The following KCNIP4 variants were observed in gnomAD, a reference collection of about 807,000 sequenced individuals.
KCNIP4 encodes Kv channel-interacting protein 4.
A neutral mutation model predicts 34.0 loss-of-function variants in KCNIP4; 12 were observed. That is an observed-to-expected ratio of 0.35 (90% CI 0.23 to 0.57). The LOEUF (loss-of-function observed/expected upper bound fraction) is 0.57. Ranked by LOEUF, KCNIP4 falls within the 20% of genes least tolerant of loss-of-function variation. The probability of loss-of-function intolerance (pLI) is 0.83; values close to 1 mark genes in which losing one functional copy is unlikely to be tolerated. For missense variants in KCNIP4, 238 were observed against 311.7 expected, an observed-to-expected ratio of 0.76 and a Z score of 1.78; for synonymous variants, 124 against 102.2, an observed-to-expected ratio of 1.21 and a Z score of -1.29.
At chr4:21,903,879 A>G (rs1727845311) in intron 1 of KCNIP4, among the ~76,000 whole-genome samples, 2 of 152,286 alleles carry the variant, frequency 1.3e-5, no homozygotes, top group Admixed American at 6.5e-5. Flanking sequence ...CCTTCACAAT[A>G]TATTTCAAAG....
At chr4:21,393,326 G>A (rs1722714828) in intron 1 of KCNIP4, among the ~76,000 whole-genome samples, 1 of 151,876 alleles carries the variant, frequency 6.6e-6, no homozygotes, top group Admixed American at 6.6e-5. Flanking sequence ...TTTTTTCAAT[G>A]AATTTAACTC....
rs184505937 is a variant in KCNIP4 at position 21,080,588 on chromosome 4, G to A, written c.62-197879C>T. Among the ~76,000 whole-genome samples the A allele has an allele frequency of 1.9e-4, 29 of 151,760 alleles. No individual in the cohort carries two copies. In the East Asian group the frequency reaches 5.6e-3, roughly 29 times the overall value. ...CCTTTTTGAACAATAAATTTACAGA[G>A]TACTTTACCTTAACAATGTTTTATA... On this transcript the variant is annotated intron_variant, in intron 1 of 8. Transcript: ENST00000382152.
At chr4:21,173,415 A>G (rs114749916) in intron 1 of KCNIP4, among the ~76,000 whole-genome samples, 2,883 of 152,276 alleles carry the variant, frequency 0.019, 56 homozygotes, top group Non-Finnish European at 0.026. Flanking sequence ...CCCCACACAA[A>G]GAAATAACAA....
chr4:21,742,798 C>T (rs1443736195), intron 1 of KCNIP4, among the ~76,000 whole-genome samples: 2 of 151,764 alleles, frequency 1.3e-5, no homozygotes, highest in Non-Finnish European at 2.9e-5. Context: ...CAGTTTGAGG[C>T]CCAGCAGAAT....
chr4:21,759,857 A>AT (rs1717926573), intron 1 of KCNIP4, among the ~76,000 whole-genome samples: 4 of 152,026 alleles, frequency 2.6e-5, no homozygotes, highest in African/African-American at 9.7e-5. Flanking sequence ...GAGGAACGGA[A>AT]TTATAACACA....
chr4:21,466,874 T>C (rs902499704), intron 1 of KCNIP4, among the ~76,000 whole-genome samples: 1 of 151,918 alleles, frequency 6.6e-6, no homozygotes, highest in Non-Finnish European at 1.5e-5. Flanking sequence ...GTGAAGCAAA[T>C]CTATCTAATC....
In KCNIP4 at chr4:21,677,899, G is replaced by A. The variant is rs371516197; in HGVS notation, c.61+270672C>T. ...CAAGAAGCTGGGACTACAGCCATGA[G>A]TCACCACACCTGGCTAATTATTTTG... On this transcript the variant is annotated intron_variant, in intron 1 of 8. Transcript: ENST00000382152. Among the ~76,000 whole-genome samples the A allele has an allele frequency of 2.0e-5, 3 of 152,140 alleles. No homozygotes were observed. In the East Asian group the frequency reaches 5.8e-4, roughly 29 times the overall value.
chr4:21,002,544 GA>G (rs1297057191), intron 1 of KCNIP4, among the ~76,000 whole-genome samples: 5 of 152,142 alleles, frequency 3.3e-5, no homozygotes, highest in African/African-American at 1.2e-4. Flanking sequence ...AGAAAACTGA[GA>G]ACTCTTCCTG....
chr4:21,327,652 A>T (rs548814432), intron 1 of KCNIP4, among the ~76,000 whole-genome samples: 1 of 151,940 alleles, frequency 6.6e-6, no homozygotes. Context: ...CTCTCTCTCT[A>T]TATCTCCTCT....
intron 1 of KCNIP4, among the ~76,000 whole-genome samples, chr4:21,168,130 T>C (rs1753767274): frequency 6.6e-6 from 1 of 152,186 alleles, no homozygotes; most frequent in South Asian, 2.1e-4. Context: ...AAAAGAGTAT[T>C]ATTTTTATTT....
At chr4:21,566,852 A>C (rs1283869854) in intron 1 of KCNIP4, among the ~76,000 whole-genome samples, 1 of 152,090 alleles carries the variant, frequency 6.6e-6, no homozygotes, top group Non-Finnish European at 1.5e-5. Context: ...TGACTGCAAC[A>C]TCAAGGAACC....
intron 2 of KCNIP4, among the ~76,000 whole-genome samples, chr4:20,863,781 T>A (rs963320432): frequency 6.6e-6 from 1 of 152,066 alleles, no homozygotes; most frequent in Non-Finnish European, 1.5e-5. Context: ...GACAAAATAA[T>A]CTGTACAACA....
chr4:20,881,528 A>G (rs1180832550), intron 2 of KCNIP4, among the ~76,000 whole-genome samples: 2 of 152,176 alleles, frequency 1.3e-5, no homozygotes, highest in Admixed American at 1.3e-4. Flanking sequence ...AAAATTGTGT[A>G]TAAAAGAAAG....
chr4:21,294,486 A>G (rs1362108168), intron 1 of KCNIP4, among the ~76,000 whole-genome samples: 3 of 152,202 alleles, frequency 2.0e-5, no homozygotes, highest in East Asian at 1.9e-4. Context: ...TAAAACTAGA[A>G]AAAAGTAATA....
chr4:21,368,134 C>A (rs1719970975), intron 1 of KCNIP4, among the ~76,000 whole-genome samples: 1 of 146,718 alleles, frequency 6.8e-6, no homozygotes, highest in Admixed American at 6.6e-5. Flanking sequence ...GGAGTCTCTA[C>A]AATACACTTT....
chr4:20,918,825 A>C (rs915620805), intron 1 of KCNIP4, among the ~76,000 whole-genome samples: 2 of 152,196 alleles, frequency 1.3e-5, no homozygotes, highest in African/African-American at 4.8e-5. Flanking sequence ...CCAAATATCC[A>C]CAAGGGAAGT....
At chr4:21,296,296 G>A (rs1763836289) in intron 1 of KCNIP4, among the ~76,000 whole-genome samples, 1 of 151,902 alleles carries the variant, frequency 6.6e-6, no homozygotes, top group South Asian at 2.1e-4. Context: ...TATAGCAACA[G>A]CAGTGTTTGG....
chr4:21,058,954 T>A (rs1052964167), intron 1 of KCNIP4, among the ~76,000 whole-genome samples: 5 of 151,878 alleles, frequency 3.3e-5, no homozygotes, highest in African/African-American at 1.2e-4. Context: ...CAGTGGGAGG[T>A]AATTGAGTCA....
intron 1 of KCNIP4, among the ~76,000 whole-genome samples, chr4:21,616,918 CT>C (rs887260538): frequency 2.0e-5 from 3 of 152,092 alleles, no homozygotes; most frequent in Admixed American, 1.3e-4. Flanking sequence ...TTCAACATAT[CT>C]TTTTAGAGAA....
Sources: allele counts gnomAD v4.1 joint callset (sites outside exome capture counted in the v4.1 genomes callset), GRCh38; gene constraint gnomAD v4.1.1; transcripts MANE v1.5; gene names NCBI Gene and HGNC (gene_info 2026-07-23, HGNC 2026-07-21).